LMX1A: variants seen among roughly 807,000 people sequenced by gnomAD.
LMX1A encodes the protein LIM homeobox transcription factor 1 alpha.
Under a neutral mutation model 49.1 loss-of-function variants are expected in LMX1A, and 15 were observed. The ratio of observed to expected loss-of-function variants is 0.31; its 90% confidence interval spans 0.20 to 0.47. The LOEUF (loss-of-function observed/expected upper bound fraction) is 0.47, where lower values mean the gene tolerates loss of function less well. Among genes scored for constraint, LMX1A ranks in the 20% least tolerant of loss-of-function variants. The pLI is 1.00. For missense variants in LMX1A, 372 were observed against 475.8 expected (o/e 0.78, Z 2.03); for synonymous variants, 167 against 185.7 (o/e 0.90, Z 0.82).
intron 3 of LMX1A, among the ~76,000 whole-genome samples, chr1:165,283,864 A>G (rs1347519818): frequency 6.6e-6 from 1 of 152,216 alleles, no homozygotes; most frequent in Non-Finnish European, 1.5e-5. Flanking sequence ...CTCATTGTCC[A>G]CAATATGCCA....
At chr1:165,278,634 C>G (rs1229822591) in intron 3 of LMX1A, among the ~76,000 whole-genome samples, 1 of 152,182 alleles carries the variant, frequency 6.6e-6, no homozygotes, top group Non-Finnish European at 1.5e-5. Context: ...ACCCCGGGGA[C>G]AGCCCACAAC....
chr1:165,239,074 AT>A (rs1652552209), intron 4 of LMX1A, among the ~76,000 whole-genome samples: 1 of 4,778 alleles, frequency 2.1e-4, no homozygotes, highest in Non-Finnish European at 5.1e-4. Context: ...TCATGAAAAA[AT>A]CATGATGTGA....
intron 3 of LMX1A, among the ~76,000 whole-genome samples, chr1:165,326,823 A>T (rs1478861221): frequency 6.6e-6 from 1 of 152,194 alleles, no homozygotes; most frequent in Non-Finnish European, 1.5e-5. Context: ...ACTAGGAGAG[A>T]TTCTAGATGT....
chr1:165,287,437 G>T (rs1338452680), intron 3 of LMX1A, among the ~76,000 whole-genome samples: 2 of 152,198 alleles, frequency 1.3e-5, no homozygotes, highest in Non-Finnish European at 2.9e-5. Context: ...TGCCAAAAGG[G>T]AGGCGGTGAC....
chr1:165,345,295 G>C (rs1656205035), intron 3 of LMX1A, among the ~76,000 whole-genome samples: 1 of 152,220 alleles, frequency 6.6e-6, no homozygotes, highest in African/African-American at 2.4e-5. Flanking sequence ...GAATTAGAGA[G>C]GAAGCTGCTC....
Position 165,208,097 on chromosome 1 carries a change from C to T in LMX1A, c.783G>A (p.Gln261=). 6.5e-7 allele frequency: 1 copy of T among 1,530,842 alleles called. No individual in the cohort carries two copies. Among genetic ancestry groups the T allele is most frequent in the Non-Finnish European group, 8.9e-7 (1 of 1,122,316 alleles). 94.8% of individuals were successfully genotyped at this position (1,530,842 alleles called of 1,614,324 possible). ...GCCTCTGGGTGTTCTGCTGATCTTGCTGCTGCTGCTGCTGTCGCCTGGCCA... is the reference window on the plus strand; with the variant it reads ...GCCTCTGGGTGTTCTGCTGATCTTGTTGCTGCTGCTGCTGTCGCCTGGCCA... ...KKLARRQQQQ[Q]QDQQNTQRLS... Residue 261 remains glutamine (Q), a synonymous_variant, in exon 7 of 9, where the codon CAG becomes CAA. Coordinates refer to ENST00000342310, the MANE Select transcript of LMX1A (RefSeq NM_177398.4).
At chr1:165,312,093 C>T (rs1213371713) in intron 3 of LMX1A, among the ~76,000 whole-genome samples, 4 of 152,304 alleles carry the variant, frequency 2.6e-5, no homozygotes, top group Non-Finnish European at 5.9e-5. Context: ...TGGATGTTTT[C>T]CTTTGTTTTC....
intron 3 of LMX1A, among the ~76,000 whole-genome samples, chr1:165,284,034 G>T (rs1654232429): frequency 6.6e-6 from 1 of 152,146 alleles, no homozygotes; most frequent in Admixed American, 6.5e-5. Context: ...CTATCTCTAT[G>T]GTCCACTCTG....
intron 3 of LMX1A, among the ~76,000 whole-genome samples, chr1:165,346,597 T>C (rs1314743811): frequency 2.6e-5 from 4 of 152,190 alleles, no homozygotes; most frequent in Admixed American, 1.3e-4. Context: ...ATGGGGCTAT[T>C]TGTGACAGGA....
At chr1:165,325,386 T>C (rs1447425123) in intron 3 of LMX1A, among the ~76,000 whole-genome samples, 2 of 152,228 alleles carry the variant, frequency 1.3e-5, no homozygotes, top group Non-Finnish European at 2.9e-5. Context: ...ATGAGGATAG[T>C]ATAATTCCTT....
chr1:165,328,672 A>G (rs368505070), intron 3 of LMX1A, among the ~76,000 whole-genome samples: 1 of 152,348 alleles, frequency 6.6e-6, no homozygotes, highest in East Asian at 1.9e-4. Context: ...CACAACTAGA[A>G]TAAAACATGA....
At chr1:165,206,560 C>T (rs1301132340) in intron 7 of LMX1A, among the ~76,000 whole-genome samples, 1 of 152,168 alleles carries the variant, frequency 6.6e-6, no homozygotes, top group African/African-American at 2.4e-5. Flanking sequence ...CTTAAGTCTA[C>T]CTTTGGAGCG....
In LMX1A at chr1:165,355,334, C is replaced by A. The variant is rs1346310740; in HGVS notation, c.76+150G>T. 1.4e-6 allele frequency: 1 copy of A among 726,722 alleles called. No individual in the cohort carries two copies. Among genetic ancestry groups the A allele is most frequent in the Non-Finnish European group, 2.3e-6 (1 of 433,146 alleles). The allele number at this position is 726,722 out of a possible 1,614,324, so 45.0% of individuals were successfully genotyped here. On this transcript the variant is annotated intron_variant, in intron 2 of 8. Coordinates refer to ENST00000342310, the MANE Select transcript of LMX1A (RefSeq NM_177398.4). The surrounding 1 kb of genome is among the most constrained non-coding windows in gnomAD (Gnocchi z 4.7). ...TTTGGGTAGGGACGACCCACAAGCACTGACGGACAGATAGTGATGGGGCTC... is the reference window on the plus strand; with the variant it reads ...TTTGGGTAGGGACGACCCACAAGCAATGACGGACAGATAGTGATGGGGCTC...
At chr1:165,315,329 A>C (rs985062453) in intron 3 of LMX1A, among the ~76,000 whole-genome samples, 1 of 152,176 alleles carries the variant, frequency 6.6e-6, no homozygotes, top group African/African-American at 2.4e-5. Flanking sequence ...CACACTAACG[A>C]AAGAATATTC....
chr1:165,274,554 G>A (rs1156412954), intron 3 of LMX1A, among the ~76,000 whole-genome samples: 1 of 152,192 alleles, frequency 6.6e-6, no homozygotes, highest in Non-Finnish European at 1.5e-5. Context: ...ACAGCCCTTA[G>A]CTAATCCACC....
At chr1:165,354,861 T>C (rs752758715) in intron 2 of LMX1A, among the ~76,000 whole-genome samples, 2 of 152,124 alleles carry the variant, frequency 1.3e-5, no homozygotes, top group African/African-American at 4.8e-5. Context: ...TGGACACTCT[T>C]CCGGGGTCCT....
At chr1:165,298,178 C>T (rs1654670394) in intron 3 of LMX1A, among the ~76,000 whole-genome samples, 1 of 152,170 alleles carries the variant, frequency 6.6e-6, no homozygotes, top group Admixed American at 6.5e-5. Flanking sequence ...TCATTAGAGC[C>T]CGCCAGCGCC....
chr1:165,215,203 C>A (rs1411506582), intron 4 of LMX1A, among the ~76,000 whole-genome samples: 1 of 152,072 alleles, frequency 6.6e-6, no homozygotes, highest in African/African-American at 2.4e-5. Flanking sequence ...CCCAGCTACT[C>A]GGGAAGCTGA....
At chr1:165,332,514 TG>T (rs1166334369) in intron 3 of LMX1A, among the ~76,000 whole-genome samples, 1 of 152,218 alleles carries the variant, frequency 6.6e-6, no homozygotes, top group Admixed American at 6.5e-5. Context: ...TGATTCCACA[TG>T]TATATGAGTA....
Sources: allele counts gnomAD v4.1 joint callset (sites outside exome capture counted in the v4.1 genomes callset), GRCh38; gene constraint gnomAD v4.1.1; non-coding constraint Gnocchi (gnomAD v3.1); transcripts MANE v1.5; gene names NCBI Gene and HGNC (gene_info 2026-07-23, HGNC 2026-07-21).